EYA2: variants seen among roughly 807,000 people sequenced by gnomAD.
EYA2 encodes the protein EYA transcriptional coactivator and phosphatase 2.
In EYA2, 31 loss-of-function variants were observed where a neutral mutation model predicts 69.2. That is an observed-to-expected ratio of 0.45 (90% CI 0.34 to 0.60). EYA2 has a LOEUF of 0.60. Ranked by LOEUF, EYA2 falls within the 20% of genes least tolerant of loss-of-function variation. EYA2 has a pLI of 0.02. For synonymous variants in EYA2, 257 were observed against 279.4 expected (o/e 0.92, Z 0.80); for missense variants, 622 against 701.2 (o/e 0.89, Z 1.28).
intron 12 of EYA2, among the ~76,000 whole-genome samples, chr20:47,178,740 G>A (rs1034207190): frequency 1.4e-5 from 2 of 139,146 alleles, no homozygotes; most frequent in Non-Finnish European, 1.5e-5. Context: ...TGAATTTTTT[G>A]TTGGATGCAT....
chr20:47,024,390 A>C (rs1402587007), intron 5 of EYA2, among the ~76,000 whole-genome samples: 6 of 152,184 alleles, frequency 3.9e-5, no homozygotes, highest in Non-Finnish European at 7.4e-5. Context: ...GAGGTTCTGC[A>C]ATTCTGGCAG....
chr20:47,172,259 C>T, intron 11 of EYA2, among the ~76,000 whole-genome samples: 1 of 152,014 alleles, frequency 6.6e-6, no homozygotes, highest in South Asian at 2.1e-4. Context: ...CATAGAGAGA[C>T]TCCATCTCTC....
chr20:47,155,307 A>G (rs1045311804), intron 10 of EYA2, among the ~76,000 whole-genome samples: 5 of 152,004 alleles, frequency 3.3e-5, no homozygotes, highest in East Asian at 2.0e-4. Flanking sequence ...CGCTGAGGGG[A>G]TGAATCGCCT....
intron 9 of EYA2, among the ~76,000 whole-genome samples, chr20:47,125,354 A>C (rs890588634): frequency 4.1e-4 from 63 of 152,056 alleles, no homozygotes; most frequent in African/African-American, 1.4e-3. Flanking sequence ...CTGCCTGGCC[A>C]GTTAAGTTCT....
chr20:47,065,593 T>C (rs558781914), intron 5 of EYA2, among the ~76,000 whole-genome samples: 310 of 152,336 alleles, frequency 2.0e-3, no homozygotes, highest in African/African-American at 7.2e-3. Flanking sequence ...TTAAATTTGT[T>C]TAATTTTTAT....
At chr20:46,988,328 A>G (rs1041511680) in intron 1 of EYA2, among the ~76,000 whole-genome samples, 1 of 151,908 alleles carries the variant, frequency 6.6e-6, no homozygotes, top group African/African-American at 2.4e-5. Context: ...TTTTACATGA[A>G]TCATCTTTTT....
intron 2 of EYA2, among the ~76,000 whole-genome samples, chr20:47,000,044 C>T (rs541289039): frequency 1.3e-5 from 2 of 152,018 alleles, no homozygotes; most frequent in South Asian, 2.1e-4. Context: ...AGCCAGACCA[C>T]CTGGGTTCAG....
chr20:47,019,805 C>CAA (rs11431747), intron 5 of EYA2, among the ~76,000 whole-genome samples: 3,604 of 137,116 alleles, frequency 0.026, 132 homozygotes, highest in African/African-American at 0.092. Flanking sequence ...CCCATCTCTA[C>CAA]AAAAAAAAAA....
chr20:47,176,582 T>C (rs1167288489), intron 12 of EYA2, among the ~76,000 whole-genome samples: 12 of 152,184 alleles, frequency 7.9e-5, no homozygotes, highest in Non-Finnish European at 1.6e-4. Flanking sequence ...TGCCCAGAGC[T>C]GGGGAATGAC....
chr20:47,111,104 G>C lies in EYA2; in HGVS notation c.888+13936G>C, dbSNP rs547617566. Among the ~76,000 whole-genome samples, 220 of 152,344 alleles carry C rather than the reference G, an allele frequency of 1.4e-3. 1 individual carries two copies. Among genetic ancestry groups the C allele is most frequent in the African/African-American group, 4.6e-3 (193 of 41,570 alleles). Reference sequence around the variant, plus strand: ...TTTCCCATTGACTCTGGCTTCCAGAGAATAAATGACAGGTGCAGTTGGTCC... The same window carrying C: ...TTTCCCATTGACTCTGGCTTCCAGACAATAAATGACAGGTGCAGTTGGTCC... On this transcript the variant is annotated intron_variant, in intron 9 of 15. Transcript: ENST00000327619.
chr20:46,988,835 T>TG (rs1355684459), intron 1 of EYA2, among the ~76,000 whole-genome samples: 1 of 152,140 alleles, frequency 6.6e-6, no homozygotes, highest in East Asian at 1.9e-4. Context: ...CTTGAGTAGC[T>TG]GGGACTACAG....
Position 46,895,279 on chromosome 20 carries a change from G to A in EYA2, c.-11+292G>A, listed in dbSNP as rs183091477. On this transcript the variant is annotated intron_variant, in intron 1 of 15. Coordinates refer to ENST00000327619, the MANE Select transcript of EYA2 (RefSeq NM_005244.5). ...CTGAAGTTTGCTCTCCCGCGCGCGG[G>A]ACAAGTGCATGGCGCGCAGGCGGTG... Among the ~76,000 whole-genome samples the A allele has an allele frequency of 2.0e-5, 3 of 152,328 alleles. No homozygotes were observed. The East Asian group carries it at 5.8e-4, about 29-fold the overall frequency.
chr20:47,064,419 C>T (rs761801910), intron 5 of EYA2, among the ~76,000 whole-genome samples: 1 of 152,214 alleles, frequency 6.6e-6, no homozygotes. Flanking sequence ...ACCTTTCAGC[C>T]ACTGTGAGTA....
At chr20:47,131,035 G>C (rs1370717456) in intron 9 of EYA2, among the ~76,000 whole-genome samples, 1 of 152,106 alleles carries the variant, frequency 6.6e-6, no homozygotes. Flanking sequence ...GTTGCAGTGA[G>C]CTGAGACTGC....
intron 1 of EYA2, among the ~76,000 whole-genome samples, chr20:46,984,087 C>CT (rs1419008868): frequency 6.6e-6 from 1 of 152,012 alleles, no homozygotes; most frequent in East Asian, 1.9e-4. Flanking sequence ...AAAAATTAAA[C>CT]TTTAAACCAC....
chr20:47,064,902 G>A (rs6018253), intron 5 of EYA2, among the ~76,000 whole-genome samples: 7,801 of 152,234 alleles, frequency 0.051, 670 homozygotes, highest in African/African-American at 0.18. Context: ...CATGCTGCTA[G>A]TAAAACATAC....
intron 1 of EYA2, among the ~76,000 whole-genome samples, chr20:46,952,790 C>T (rs1323797020): frequency 6.6e-6 from 1 of 152,220 alleles, no homozygotes; most frequent in Non-Finnish European, 1.5e-5. Flanking sequence ...ATAAGAACCT[C>T]ATACCAGATC....
chr20:47,139,494 A>G (rs534000775), intron 9 of EYA2, among the ~76,000 whole-genome samples: 1 of 152,226 alleles, frequency 6.6e-6, no homozygotes, highest in East Asian at 1.9e-4. Context: ...GTGCAGTGGC[A>G]CAATCTCGGC....
intron 1 of EYA2, among the ~76,000 whole-genome samples, chr20:46,933,255 A>G (rs985991077): frequency 1.3e-5 from 2 of 152,330 alleles, no homozygotes; most frequent in South Asian, 2.1e-4. Flanking sequence ...AGAACGTAGT[A>G]AGGACTCCCT....
Sources: gnomAD v4.1 joint callset for allele counts (sites outside exome capture counted in the v4.1 genomes callset) on GRCh38, gnomAD v4.1.1 for gene constraint, MANE v1.5 for transcripts, NCBI Gene and HGNC (gene_info 2026-07-23, HGNC 2026-07-21) for gene names.